PTPRD: variants seen among roughly 807,000 people sequenced by gnomAD.
PTPRD encodes the protein receptor-type tyrosine-protein phosphatase delta.
PTPRD carries 34 observed loss-of-function variants against 214.5 expected under a neutral mutation model. The ratio of observed to expected loss-of-function variants is 0.16; its 90% confidence interval spans 0.12 to 0.21. PTPRD has a LOEUF of 0.21. Among genes scored for constraint, PTPRD ranks in the 10% least tolerant of loss-of-function variants. PTPRD has a pLI of 1.00. For missense variants in PTPRD, 2,545 were observed against 2,398.7 expected, an observed-to-expected ratio of 1.06 and a Z score of -1.27; for synonymous variants, 1,128 against 845.7, an observed-to-expected ratio of 1.33 and a Z score of -5.79.
chr9:9,895,753 A>C (rs1458890060), intron 5 of PTPRD, among the ~76,000 whole-genome samples: 3 of 152,100 alleles, frequency 2.0e-5, no homozygotes, highest in Non-Finnish European at 4.4e-5. Flanking sequence ...CAAATTGTAA[A>C]ATGAAGGACT....
At chr9:10,249,948 T>C (rs1159528712) in intron 3 of PTPRD, among the ~76,000 whole-genome samples, 1 of 152,168 alleles carries the variant, frequency 6.6e-6, no homozygotes, top group Non-Finnish European at 1.5e-5. Flanking sequence ...GACACATGCA[T>C]ACATCTGCCA....
At chr9:10,478,164 A>T (rs1407072626) in intron 2 of PTPRD, among the ~76,000 whole-genome samples, 2 of 152,120 alleles carry the variant, frequency 1.3e-5, no homozygotes, top group Non-Finnish European at 2.9e-5. Flanking sequence ...AAAAGATTTC[A>T]ATCAGAATAC....
intron 8 of PTPRD, among the ~76,000 whole-genome samples, chr9:9,562,243 C>T (rs1030806348): frequency 6.6e-6 from 1 of 152,152 alleles, no homozygotes; most frequent in African/African-American, 2.4e-5. Flanking sequence ...TTATGTCCCT[C>T]AGGCAATTGG....
chr9:9,347,991 T>G (rs2049537529), intron 9 of PTPRD, among the ~76,000 whole-genome samples: 1 of 152,020 alleles, frequency 6.6e-6, no homozygotes, highest in South Asian at 2.1e-4. Flanking sequence ...AATCAGAGAG[T>G]ATGTCACCAA....
At chr9:8,841,164 A>C (rs1315167067) in intron 11 of PTPRD, among the ~76,000 whole-genome samples, 3 of 152,186 alleles carry the variant, frequency 2.0e-5, no homozygotes, top group Non-Finnish European at 4.4e-5. Context: ...TAGATCTGTA[A>C]TTACAAGAAG....
intron 3 of PTPRD, among the ~76,000 whole-genome samples, chr9:10,276,103 A>T (rs770436937): frequency 6.6e-6 from 1 of 152,248 alleles, no homozygotes. Flanking sequence ...AAGTTTTTAC[A>T]ACAATGCCAT....
chr9:10,583,281 G>C (rs1433069165), intron 2 of PTPRD, among the ~76,000 whole-genome samples: 1 of 152,084 alleles, frequency 6.6e-6, no homozygotes, highest in Non-Finnish European at 1.5e-5. Flanking sequence ...TTTTAGAAGA[G>C]GACAAAAGCT....
chr9:10,172,798 T>C (rs569149901), intron 3 of PTPRD, among the ~76,000 whole-genome samples: 36 of 152,270 alleles, frequency 2.4e-4, no homozygotes, highest in African/African-American at 8.2e-4. Flanking sequence ...TAGCATTCAG[T>C]GTTGGGTTAT....
intron 14 of PTPRD, among the ~76,000 whole-genome samples, chr9:8,541,506 A>G (rs1334125960): frequency 6.6e-6 from 1 of 152,162 alleles, no homozygotes; most frequent in Non-Finnish European, 1.5e-5. Context: ...CTAGGACCAC[A>G]AGCACATACC....
chr9:8,561,973 G>A (rs1464606421), intron 14 of PTPRD, among the ~76,000 whole-genome samples: 2 of 152,048 alleles, frequency 1.3e-5, no homozygotes, highest in Non-Finnish European at 2.9e-5. Context: ...AGTCCTACTA[G>A]AGTTTAAAAA....
intron 3 of PTPRD, among the ~76,000 whole-genome samples, chr9:10,166,898 TAATC>T (rs1442243169): frequency 2.0e-5 from 3 of 152,132 alleles, no homozygotes; most frequent in African/African-American, 7.2e-5. Context: ...AGGTATACAA[TAATC>T]AGCTATTCTC....
intron 11 of PTPRD, among the ~76,000 whole-genome samples, chr9:8,880,294 G>A (rs2098433721): frequency 6.6e-6 from 1 of 152,106 alleles, no homozygotes; most frequent in Admixed American, 6.6e-5. Context: ...GAGATAAGAA[G>A]GGATTGTAAA....
intron 14 of PTPRD, among the ~76,000 whole-genome samples, chr9:8,557,998 G>A (rs1013497090): frequency 3.3e-5 from 5 of 151,762 alleles, no homozygotes; most frequent in Admixed American, 1.3e-4. Context: ...TAACTGTGAA[G>A]CCTGAAAAAA....
chr9:8,351,155 A>G (rs1460228729), intron 39 of PTPRD, among the ~76,000 whole-genome samples: 2 of 152,170 alleles, frequency 1.3e-5, no homozygotes, highest in Admixed American at 6.5e-5. Context: ...GAATCCATGT[A>G]TTGACCCTCT....
intron 2 of PTPRD, among the ~76,000 whole-genome samples, chr9:10,381,849 A>G (rs1057042425): frequency 1.3e-5 from 2 of 151,956 alleles, no homozygotes; most frequent in Non-Finnish European, 2.9e-5. Flanking sequence ...TTATTGGAGG[A>G]TAACTTAATC....
At chr9:8,336,257 A>G (rs927179440) in intron 43 of PTPRD, among the ~76,000 whole-genome samples, 50 of 149,142 alleles carry the variant, frequency 3.4e-4, no homozygotes, top group African/African-American at 1.2e-3. Context: ...ACAGAGATAT[A>G]GACCAATGGA....
At chr9:9,932,789 G>T (rs2087263404) in intron 5 of PTPRD, among the ~76,000 whole-genome samples, 1 of 118,866 alleles carries the variant, frequency 8.4e-6, no homozygotes, top group African/African-American at 3.3e-5. Context: ...ATTCACCAAA[G>T]TTGAAATGAA....
At chr9:10,438,834 G>A (rs2098739820) in intron 2 of PTPRD, among the ~76,000 whole-genome samples, 1 of 151,736 alleles carries the variant, frequency 6.6e-6, no homozygotes, top group South Asian at 2.1e-4. Flanking sequence ...CTACTTGCCA[G>A]GTGTTTGATG....
At chr9:10,478,097 T>G (rs1589077109) in intron 2 of PTPRD, among the ~76,000 whole-genome samples, 1 of 152,236 alleles carries the variant, frequency 6.6e-6, no homozygotes, top group East Asian at 1.9e-4. Flanking sequence ...TATACCTATG[T>G]AACAAACCTG....
Sources: gnomAD v4.1 joint callset for allele counts (sites outside exome capture counted in the v4.1 genomes callset) on GRCh38, gnomAD v4.1.1 for gene constraint, MANE v1.5 for transcripts, NCBI Gene and HGNC (gene_info 2026-07-23, HGNC 2026-07-21) for gene names.